The following SPEG variants were observed in gnomAD, a reference collection of about 807,000 sequenced individuals.
SPEG encodes the protein striated muscle enriched protein kinase, also known as striated muscle preferentially expressed protein kinase.
A neutral mutation model predicts 300.4 loss-of-function variants in SPEG; 114 were observed. The observed-to-expected ratio is 0.38, with a 90% confidence interval of 0.33 to 0.44. The LOEUF (loss-of-function observed/expected upper bound fraction) is 0.44, where lower values mean the gene tolerates loss of function less well. SPEG is among the 20% of genes least tolerant of loss of function. SPEG has a pLI of 1.00. For synonymous variants in SPEG, 1,964 were observed against 2,018.9 expected (o/e 0.97, Z 0.73); for missense variants, 4,201 against 4,586.2 (o/e 0.92, Z 2.43).
chr2:219,477,924 C>G lies in SPEG; in HGVS notation c.4846C>G (p.Arg1616Gly). Residue 1616 changes from arginine to glycine, a missense_variant, in exon 22 of 41, where the codon CGG becomes GGG. Transcript: ENST00000312358. The surrounding 1 kb of genome is among the most constrained non-coding windows in gnomAD (Gnocchi z 6.4). ...AACCAGGGGTGCTTTCTCCTACTTG[C>G]GGCGCATAGTGGAGCGTAGCTCCGG... ...EIGRGAFSYL[R>G]RIVERSSGLE... 1 of 1,614,090 alleles carries G rather than the reference C, an allele frequency of 6.2e-7. No homozygotes were observed. Among genetic ancestry groups the G allele is most frequent in the Non-Finnish European group, 8.5e-7 (1 of 1,180,000 alleles).
At position 219,492,600 on chromosome 2, in the gene SPEG, G is replaced by A. The variant is rs773477307; in HGVS notation, c.9618G>A (p.Arg3206=). 27 of 1,608,640 alleles carry A rather than the reference G, an allele frequency of 1.7e-5. No individual in the cohort carries two copies. The highest frequency in any genetic ancestry group is 2.2e-5 in the East Asian group (1 of 44,896). Residue 3206 remains arginine, a synonymous_variant, in exon 41 of 41, where the codon CGG becomes CGA. Transcript: ENST00000312358. ...CCCTGGCTCTGCCTGGCAGGAGCCG[G>A]CCCTCCCTGCAGGACTGCCTGGCCC... is the stretch of plus-strand genomic sequence containing the variant. ...RKVLSVHPWS[R]PSLQDCLAHP...
chr2:219,465,929 G>A (rs1182737367), intron 9 of SPEG: 20 of 614,124 alleles, frequency 3.3e-5, no homozygotes, highest in East Asian at 9.3e-5. Context: ...GTGTGCGCGC[G>A]TGTGCGTGCA....
intron 1 of SPEG, 77 bp downstream of exon 1, chr2:219,435,442 G>A (rs1329042236): frequency 1.1e-5 from 15 of 1,411,562 alleles, no homozygotes; most frequent in Non-Finnish European, 1.3e-5. Flanking sequence ...GGCCACGCGG[G>A]TAAGGTACTG....
chr2:219,472,564 G>T (rs944806728), intron 15 of SPEG, among the ~76,000 whole-genome samples: 12 of 152,172 alleles, frequency 7.9e-5, no homozygotes, highest in Admixed American at 2.0e-4. Flanking sequence ...CTCAGAGTGG[G>T]TGCCTGGGTC....
At chr2:219,472,413 C>A in intron 15 of SPEG, 82 bp downstream of exon 15, 1 of 1,259,762 alleles carries the variant, frequency 7.9e-7, no homozygotes, top group South Asian at 1.2e-5. Context: ...GGGGGCCAGG[C>A]CCCAGAAGCG....
chr2:219,486,505 C>A (rs1398034100), intron 31 of SPEG, among the ~76,000 whole-genome samples: 3 of 152,008 alleles, frequency 2.0e-5, no homozygotes, highest in Non-Finnish European at 4.4e-5. Context: ...GAGGGAAGGG[C>A]TGCTGGTGGG....
chr2:219,465,941 G>A (rs1429564557), intron 9 of SPEG: 7 of 838,642 alleles, frequency 8.3e-6, no homozygotes, highest in East Asian at 5.8e-5. Context: ...GTGCGTGCAC[G>A]TGTGCGTGCA....
Position 219,468,982 on chromosome 2 carries a change from A to G in SPEG, c.3425A>G (p.His1142Arg). 1 of 1,613,876 alleles carries G rather than the reference A, an allele frequency of 6.2e-7. No individual in the cohort carries two copies. Among genetic ancestry groups the G allele is most frequent in the Non-Finnish European group, 8.5e-7 (1 of 1,179,980 alleles). ...TATGCGGTCAGTGCTGTTAACACCC[A>G]TGGCCAGGCCCACTGCTCAGCCCAG... The part of the protein sequence containing the change: ...GLYAVSAVNT[H>R]GQAHCSAQLY... Residue 1142 changes from histidine to arginine, a missense_variant, in exon 12 of 41, where the codon CAT (histidine) becomes CGT (arginine). Physicochemically the swap from His to Arg is conservative, Grantham distance 29. Around this residue, in one of 4 missense-constraint regions of SPEG, gnomAD observed 1,047 missense variants for 1,356.8 expected, o/e 0.77. Coordinates refer to ENST00000312358, the MANE Select transcript of SPEG (RefSeq NM_005876.5).
At position 219,443,202 on chromosome 2, in the gene SPEG, G is replaced by T; in HGVS notation, c.389-1451G>T. 1.3e-6 allele frequency: 2 copies of T among 1,567,038 alleles called. No individual in the cohort carries two copies. Among genetic ancestry groups the T allele is most frequent in the South Asian group, 2.2e-5 (2 of 90,158 alleles). Reference sequence around the variant, plus strand: ...CTAGCCCATGCCTACTCCTCCTCTTGGTCCCTGTCCCTCTGTGAGGCATCG... The same window carrying T: ...CTAGCCCATGCCTACTCCTCCTCTTTGTCCCTGTCCCTCTGTGAGGCATCG... On this transcript the variant is annotated intron_variant, in intron 1 of 40. Coordinates refer to ENST00000312358, the MANE Select transcript of SPEG (RefSeq NM_005876.5). This position sits in a 1 kb window ranked among gnomAD's most constrained non-coding sequence, Gnocchi z 4.6.
At chr2:219,435,895 A>G (rs1300288749) in intron 1 of SPEG, among the ~76,000 whole-genome samples, 1 of 152,126 alleles carries the variant, frequency 6.6e-6, no homozygotes, top group African/African-American at 2.4e-5. Context: ...GAAGAGGCCT[A>G]TGGTTGGCCA....
chr2:219,436,258 T>G (rs952074265), intron 1 of SPEG, among the ~76,000 whole-genome samples: 1 of 152,206 alleles, frequency 6.6e-6, no homozygotes, highest in Non-Finnish European at 1.5e-5. Flanking sequence ...GGCCCAGTGC[T>G]CATGGTCCAG....
Position 219,445,046 on chromosome 2 carries a change from T to A in SPEG, c.700T>A (p.Ser234Thr). Residue 234 changes from serine to threonine, a missense_variant, in exon 3 of 41, where the codon TCT (serine) becomes ACT (threonine). Coordinates refer to ENST00000312358, the MANE Select transcript of SPEG (RefSeq NM_005876.5). This position sits in a 1 kb window ranked among gnomAD's most constrained non-coding sequence, Gnocchi z 6.1. Reference protein sequence around the residue: ...HLGVEPLVRASRANLVGASWG... With the variant: ...HLGVEPLVRATRANLVGASWG... The stretch of plus-strand genomic sequence containing the variant: ...GGGGGTGGAGCCGCTGGTGCGGGCA[T>A]CTCGAGCTAATCTGGTGGGCGCAAG... The A allele has an allele frequency of 6.2e-7, 1 of 1,607,624 alleles. No homozygotes were observed. Among genetic ancestry groups the A allele is most frequent in the Non-Finnish European group, 8.5e-7 (1 of 1,177,146 alleles).
chr2:219,448,729 C>T lies in SPEG; in HGVS notation c.1571C>T (p.Ala524Val), dbSNP rs1689509627. 3 of 1,489,012 alleles carry T rather than the reference C, an allele frequency of 2.0e-6. No homozygotes were observed. Among genetic ancestry groups the T allele is most frequent in the Non-Finnish European group, 2.7e-6 (3 of 1,127,276 alleles). 92.2% of individuals were successfully genotyped at this position (1,489,012 alleles called of 1,614,324 possible). The change falls in exon 4 of 41, where the codon GCC (alanine) becomes GTC (valine). Residue 524 changes from alanine to valine, a missense_variant. This residue lies in a region of SPEG where 1,258 missense variants were observed against 1,293.9 expected (regional missense o/e 0.97). Transcript: ENST00000312358. ...TCCCTGCGCGCCACGCTGCAGCGTG[C>T]CCCATCCCCTCGAGAGCCCGGCGAG... Reference protein sequence around the residue: ...HESLRATLQRAPSPREPGEPP... With the variant: ...HESLRATLQRVPSPREPGEPP...
rs886227137 is a variant in SPEG at position 219,489,831 on chromosome 2, T to C, written c.8813T>C (p.Val2938Ala). Residue 2938 changes from valine to alanine, a missense_variant, in exon 36 of 41, where the codon GTG becomes GCG. Around this residue, in one of 4 missense-constraint regions of SPEG, gnomAD observed 1,578 missense variants for 1,506.0 expected, o/e 1.05. Coordinates refer to ENST00000312358, the MANE Select transcript of SPEG (RefSeq NM_005876.5). Reference protein sequence around the residue: ...TVQSLSPAKEVVSSPGSSPRS... With the variant: ...TVQSLSPAKEAVSSPGSSPRS... ...CAGAGCCTCAGCCCGGCCAAGGAGG[T>C]GGTCAGCTCCCCTGGGAGCAGTCCC... 6.2e-7 allele frequency: 1 copy of C among 1,613,318 alleles called. No individual in the cohort carries two copies. Among genetic ancestry groups the C allele is most frequent in the Non-Finnish European group, 8.5e-7 (1 of 1,179,818 alleles).
intron 6 of SPEG, chr2:219,460,390 C>A (rs1226754699): frequency 1.1e-5 from 11 of 985,316 alleles, no homozygotes; most frequent in Non-Finnish European, 1.1e-5. Flanking sequence ...GTGGTTCCGT[C>A]AGAGCAAGGG....
At chr2:219,452,502 C>T (rs1689839083) in intron 6 of SPEG, among the ~76,000 whole-genome samples, 1 of 152,098 alleles carries the variant, frequency 6.6e-6, no homozygotes, top group Non-Finnish European at 1.5e-5. Flanking sequence ...GCACTGACCC[C>T]GGGCCTGGGG....
Position 219,489,916 on chromosome 2 carries a change from C to T in SPEG, c.8898C>T (p.Tyr2966=), listed in dbSNP as rs991115802. The T allele has an allele frequency of 6.3e-7, 1 of 1,580,138 alleles. No individual in the cohort carries two copies. Among genetic ancestry groups the T allele is most frequent in the African/African-American group, 1.3e-5 (1 of 74,334 alleles). ...TLRQGPPQKP[Y]TFLEEKARGR... ...GACAGGGTCCCCCTCAGAAACCCTA[C>T]ACCTTCCTGGAGGAGAAAGCCAGGC... The change falls in exon 36 of 41, where the codon TAC becomes TAT. Residue 2966 remains tyrosine (Y), a synonymous_variant. Coordinates refer to ENST00000312358, the MANE Select transcript of SPEG (RefSeq NM_005876.5).
At chr2:219,455,693 C>G (rs1690124945) in intron 6 of SPEG, among the ~76,000 whole-genome samples, 1 of 152,184 alleles carries the variant, frequency 6.6e-6, no homozygotes, top group African/African-American at 2.4e-5. Context: ...CATGAGCTCA[C>G]TGGGAGGGCA....
At chr2:219,490,669 A>G in intron 37 of SPEG, 21 bp downstream of exon 37, 1 of 1,609,210 alleles carries the variant, frequency 6.2e-7, no homozygotes, top group Non-Finnish European at 8.5e-7. Flanking sequence ...ATTCTAGGGG[A>G]GTAGGGAGGA....
Sources: allele counts gnomAD v4.1 joint callset (sites outside exome capture counted in the v4.1 genomes callset), GRCh38; gene constraint gnomAD v4.1.1; regional missense constraint gnomAD v4.1.1; non-coding constraint Gnocchi (gnomAD v3.1); transcripts MANE v1.5; gene names NCBI Gene and HGNC (gene_info 2026-07-23, HGNC 2026-07-21).